The following SPTBN1 variants were observed in gnomAD, a reference collection of about 807,000 sequenced individuals.
SPTBN1 encodes spectrin beta chain, non-erythrocytic 1.
In SPTBN1, 32 loss-of-function variants were observed where a neutral mutation model predicts 266.4. The observed-to-expected ratio is 0.12, with a 90% confidence interval of 0.09 to 0.16. The LOEUF is 0.16. Among genes scored for constraint, SPTBN1 ranks in the 10% least tolerant of loss-of-function variants. The pLI, the probability that SPTBN1 is intolerant of heterozygous loss-of-function variation, is 1.00. For synonymous variants in SPTBN1, 1,336 were observed against 1,162.2 expected, an observed-to-expected ratio of 1.15 and a Z score of -3.04; for missense variants, 2,296 against 3,067.1, an observed-to-expected ratio of 0.75 and a Z score of 5.94.
intron 1 of SPTBN1, among the ~76,000 whole-genome samples, chr2:54,484,464 C>G (rs774735799): frequency 5.9e-5 from 9 of 152,128 alleles, no homozygotes; most frequent in African/African-American, 1.2e-4. Flanking sequence ...TTTCTATATT[C>G]TCTTTCCTCA....
At chr2:54,612,074 A>G (rs974597205) in intron 3 of SPTBN1, 87 bp from the exon 4 acceptor site, 1 of 1,305,678 alleles carries the variant, frequency 7.7e-7, no homozygotes. Flanking sequence ...GCATTGCATG[A>G]ATGGGCACAT....
chr2:54,631,584 G>A lies in SPTBN1; in HGVS notation c.3537G>A (p.Lys1179=), dbSNP rs1678734537. The change falls in exon 16 of 36, where the codon AAG becomes AAA. Residue 1179 remains lysine (K), a synonymous_variant. Transcript: ENST00000356805. ...HAYQQFLRDT[K]QAEAFLNNQE... is the part of the protein sequence containing the mutation. The stretch of plus-strand genomic sequence containing the variant: ...ACCAGCAGTTCCTCAGAGACACGAA[G>A]CAAGCCGAAGCCTTTCTTAACAACC... 2.5e-6 allele frequency: 4 copies of A among 1,612,668 alleles called. No homozygotes were observed. Among genetic ancestry groups the A allele is most frequent in the Admixed American group, 1.7e-5 (1 of 60,002 alleles).
intron 1 of SPTBN1, among the ~76,000 whole-genome samples, chr2:54,465,966 GTTGT>G (rs1693612926): frequency 6.6e-6 from 1 of 152,082 alleles, no homozygotes; most frequent in Admixed American, 6.5e-5. Context: ...TAACTGAGTG[GTTGT>G]TTGAAGAAGC....
intron 1 of SPTBN1, among the ~76,000 whole-genome samples, chr2:54,516,697 G>C (rs1670126971): frequency 1.3e-5 from 2 of 152,188 alleles, no homozygotes; most frequent in South Asian, 4.1e-4. Context: ...CTAGAAGTGT[G>C]AACTCAAAAT....
chr2:54,489,680 CAGAG>C (rs1334023402), intron 1 of SPTBN1, among the ~76,000 whole-genome samples: 2 of 152,282 alleles, frequency 1.3e-5, no homozygotes, highest in Admixed American at 1.3e-4. Flanking sequence ...GCCAGGCTGA[CAGAG>C]AGAGGGCACC....
chr2:54,501,637 TC>T (rs765565039), intron 1 of SPTBN1, among the ~76,000 whole-genome samples: 12 of 152,212 alleles, frequency 7.9e-5, no homozygotes, highest in Non-Finnish European at 1.8e-4. Flanking sequence ...TTCCACCTCT[TC>T]GTGTTTTGGA....
At chr2:54,497,005 T>C (rs1178576707) in intron 1 of SPTBN1, among the ~76,000 whole-genome samples, 2 of 152,236 alleles carry the variant, frequency 1.3e-5, no homozygotes, top group Non-Finnish European at 2.9e-5. Context: ...TTACATATGA[T>C]GATATGCGCA....
intron 1 of SPTBN1, among the ~76,000 whole-genome samples, chr2:54,487,298 C>A (rs566601367): frequency 6.7e-6 from 1 of 150,114 alleles, no homozygotes; most frequent in Non-Finnish European, 1.5e-5. Context: ...AAAGTTTTCA[C>A]GTAATGAAAT....
chr2:54,613,152 C>A (rs1414904105), intron 4 of SPTBN1, among the ~76,000 whole-genome samples: 1 of 152,172 alleles, frequency 6.6e-6, no homozygotes, highest in African/African-American at 2.4e-5. Flanking sequence ...CAGGCTCATG[C>A]TTCGTACTCA....
At chr2:54,616,797 G>C (rs943429900) in intron 5 of SPTBN1, among the ~76,000 whole-genome samples, 5 of 152,184 alleles carry the variant, frequency 3.3e-5, no homozygotes, top group African/African-American at 1.2e-4. Context: ...GGACTCAACT[G>C]ATGCTAAGCC....
Position 54,664,443 on chromosome 2 carries a change from C to G in SPTBN1, c.6421-10C>G. The G allele has an allele frequency of 6.2e-7, 1 of 1,606,686 alleles. No homozygotes were observed. The highest frequency in any genetic ancestry group is 8.5e-7 in the Non-Finnish European group (1 of 1,173,776). On this transcript the variant is annotated splice_polypyrimidine_tract_variant and intron_variant, in intron 32 of 35. Transcript: ENST00000356805. This position sits in a 1 kb window ranked among gnomAD's most constrained non-coding sequence, Gnocchi z 5.6. ...CGGAGTTAGCTGAATGGCCTCTCCG[C>G]TGTCCCTAGATGGCAGAAACGGTGG... is the stretch of plus-strand genomic sequence containing the variant.
Position 54,668,512 on chromosome 2 carries a change from AAAGGACAAAGAG to A in SPTBN1, c.7041_7052del (p.Asp2352_Lys2355del). ...GCGAGTCCAGTCCCGGCAAGCGGGAAAAGGACAAAGAGAAAGACAAAGAGAAGCGGTTCAGCC... is the reference window on the plus strand; with the variant it reads ...GCGAGTCCAGTCCCGGCAAGCGGGAAAAAGACAAAGAGAAGCGGTTCAGCC... On this transcript the variant is annotated inframe_deletion, in exon 36 of 36. Transcript: ENST00000356805. 1 of 1,614,188 alleles carries A rather than the reference AAAGGACAAAGAG, an allele frequency of 6.2e-7. No individual in the cohort carries two copies. The highest frequency in any genetic ancestry group is 8.5e-7 in the Non-Finnish European group (1 of 1,180,010).
rs1010722788 is a variant in SPTBN1, at chr2:54,578,675, T to C, written c.149-20417T>C. ...TATTTGGCATCAGTGAGGCAAGTTA[T>C]TTATATTTATTATTTATACCCTGCC... is the stretch of plus-strand genomic sequence containing the variant. On this transcript the variant is annotated intron_variant, in intron 2 of 35. Transcript: ENST00000356805. 2.0e-5 allele frequency among the ~76,000 whole-genome samples: 3 copies of C among 152,296 alleles called. No homozygotes were observed. In the South Asian group the frequency reaches 6.2e-4, roughly 32 times the overall value.
intron 1 of SPTBN1, among the ~76,000 whole-genome samples, chr2:54,512,895 T>G (rs1230237050): frequency 6.6e-6 from 1 of 152,212 alleles, no homozygotes; most frequent in African/African-American, 2.4e-5. Context: ...TGGTTACTAA[T>G]GGTTTAAAGA....
intron 3 of SPTBN1, among the ~76,000 whole-genome samples, chr2:54,609,271 G>A (rs1321123495): frequency 6.6e-6 from 1 of 152,134 alleles, no homozygotes; most frequent in Non-Finnish European, 1.5e-5. Context: ...CTTCTGATGT[G>A]GTGTCTGATA....
At position 54,475,281 on chromosome 2, in the gene SPTBN1, A is replaced by G. The variant is rs1573224218; in HGVS notation, c.-48+18763A>G. 2.0e-5 allele frequency among the ~76,000 whole-genome samples: 3 copies of G among 152,242 alleles called. No individual in the cohort carries two copies. The East Asian group carries it at 5.8e-4, about 29-fold the overall frequency. On this transcript the variant is annotated intron_variant, in intron 1 of 35. Transcript: ENST00000356805. The stretch of plus-strand genomic sequence containing the variant: ...CAATTATAAGAACAGCTTATTCTTT[A>G]AAAGCTTAGGGCCTTCCGTTTGGCA...
intron 2 of SPTBN1, among the ~76,000 whole-genome samples, chr2:54,566,449 A>G (rs1673669838): frequency 6.6e-6 from 1 of 152,042 alleles, no homozygotes; most frequent in Non-Finnish European, 1.5e-5. Flanking sequence ...TGGCCTCCCA[A>G]AGTCCTGGAA....
chr2:54,611,741 A>G (rs1447584028), intron 3 of SPTBN1, among the ~76,000 whole-genome samples: 3 of 152,182 alleles, frequency 2.0e-5, no homozygotes, highest in African/African-American at 7.2e-5. Flanking sequence ...GCCAAGCTTA[A>G]GGGTTGCCAG....
Position 54,616,196 on chromosome 2 carries a change from G to A in SPTBN1, c.475-11G>A. On this transcript the variant is annotated splice_polypyrimidine_tract_variant and intron_variant, in intron 4 of 35. Coordinates refer to ENST00000356805, the MANE Select transcript of SPTBN1 (RefSeq NM_003128.3). ...CCATCTATTTGTCTAATATTTCTTT[G>A]TAAATCTTAGATCCAGGATATCAGT... 1.2e-6 allele frequency: 2 copies of A among 1,611,434 alleles called. No individual in the cohort carries two copies. The highest frequency in any genetic ancestry group is 1.7e-6 in the Non-Finnish European group (2 of 1,178,094).
Sources: allele counts gnomAD v4.1 joint callset (sites outside exome capture counted in the v4.1 genomes callset), GRCh38; gene constraint gnomAD v4.1.1; non-coding constraint Gnocchi (gnomAD v3.1); transcripts MANE v1.5; gene names NCBI Gene and HGNC (gene_info 2026-07-23, HGNC 2026-07-21).